Variants in PCDH15 observed in about 807,000 individuals in gnomAD.
PCDH15 encodes the protein protocadherin related 15.
PCDH15 carries 129 observed loss-of-function variants against 178.5 expected under a neutral mutation model. The observed-to-expected ratio is 0.72, with a 90% confidence interval of 0.63 to 0.84. PCDH15 has a LOEUF of 0.84. PCDH15 is among the 40% of genes least tolerant of loss of function. The probability of loss-of-function intolerance (pLI) is 0.00; values close to 1 mark genes in which losing one functional copy is unlikely to be tolerated. For synonymous variants in PCDH15, 800 were observed against 732.0 expected, an observed-to-expected ratio of 1.09 and a Z score of -1.50; for missense variants, 2,230 against 2,099.9, an observed-to-expected ratio of 1.06 and a Z score of -1.21.
intron 2 of PCDH15, among the ~76,000 whole-genome samples, chr10:55,522,991 G>A (rs998268687): frequency 6.6e-5 from 10 of 151,230 alleles, no homozygotes; most frequent in African/African-American, 2.4e-4. Context: ...ATTTTTATTT[G>A]TGATTATCAT....
chr10:55,543,324 C>T (rs1463051703), intron 2 of PCDH15, among the ~76,000 whole-genome samples: 3 of 149,366 alleles, frequency 2.0e-5, no homozygotes, highest in African/African-American at 4.9e-5. Flanking sequence ...ACAAATGTTC[C>T]CACTTTTTCT....
chr10:55,395,414 T>C (rs1350671470), intron 2 of PCDH15, among the ~76,000 whole-genome samples: 1 of 152,104 alleles, frequency 6.6e-6, no homozygotes, highest in African/African-American at 2.4e-5. Context: ...TTATAGATCA[T>C]TACATGTGAA....
intron 2 of PCDH15, among the ~76,000 whole-genome samples, chr10:55,038,136 C>A (rs966812968): frequency 2.6e-5 from 4 of 152,136 alleles, no homozygotes; most frequent in African/African-American, 9.6e-5. Context: ...TGTTTATACA[C>A]ACACAACACA....
chr10:53,937,466 A>C (rs1404967248), intron 25 of PCDH15, among the ~76,000 whole-genome samples: 1 of 152,226 alleles, frequency 6.6e-6, no homozygotes, highest in Non-Finnish European at 1.5e-5. Context: ...TATATTTTTA[A>C]AAACATAATT....
At chr10:54,567,855 G>C (rs1230214637) in intron 2 of PCDH15, among the ~76,000 whole-genome samples, 1 of 152,140 alleles carries the variant, frequency 6.6e-6, no homozygotes, top group Non-Finnish European at 1.5e-5. Flanking sequence ...TTACATCATA[G>C]AAGGCCTTCC....
At chr10:55,036,907 C>A (rs550151972) in intron 2 of PCDH15, among the ~76,000 whole-genome samples, 1 of 152,210 alleles carries the variant, frequency 6.6e-6, no homozygotes, top group Admixed American at 6.5e-5. Context: ...TGTTAGCATA[C>A]CTAGGAACTA....
At chr10:54,593,330 C>T (rs1032110855) in intron 2 of PCDH15, among the ~76,000 whole-genome samples, 2 of 151,946 alleles carry the variant, frequency 1.3e-5, no homozygotes, top group African/African-American at 4.8e-5. Flanking sequence ...GTCTTTAATC[C>T]ATTTTAAGTT....
chr10:55,151,863 G>C (rs1176112862), intron 2 of PCDH15, among the ~76,000 whole-genome samples: 1 of 152,066 alleles, frequency 6.6e-6, no homozygotes, highest in African/African-American at 2.4e-5. Context: ...CATGTAAATA[G>C]ATGAGAAGAA....
intron 3 of PCDH15, among the ~76,000 whole-genome samples, chr10:54,380,705 C>CATATATATATAT (rs58171476): frequency 8.0e-4 from 39 of 48,984 alleles, no homozygotes; most frequent in Non-Finnish European, 1.1e-3. Context: ...ATATATGCTC[C>CATATATATATAT]ATATATATAT....
chr10:55,201,510 G>A (rs967474131), intron 1 of PCDH15, among the ~76,000 whole-genome samples: 10 of 152,110 alleles, frequency 6.6e-5, no homozygotes, highest in African/African-American at 2.4e-4. Flanking sequence ...TTCCCCTAAT[G>A]ACTTGTACAC....
chr10:54,751,865 T>A (rs1946274734), intron 1 of PCDH15, among the ~76,000 whole-genome samples: 1 of 152,156 alleles, frequency 6.6e-6, no homozygotes, highest in African/African-American at 2.4e-5. Context: ...ACTTTTTGAC[T>A]AAAAGGCTTT....
intron 2 of PCDH15, among the ~76,000 whole-genome samples, chr10:54,939,331 A>G (rs1480769949): frequency 2.7e-5 from 4 of 147,770 alleles, no homozygotes; most frequent in South Asian, 2.1e-4. Flanking sequence ...CGTCTCTACT[A>G]AAAAAAACAA....
At chr10:55,471,210 T>C (rs1178076375) in intron 2 of PCDH15, among the ~76,000 whole-genome samples, 1 of 152,200 alleles carries the variant, frequency 6.6e-6, no homozygotes, top group African/African-American at 2.4e-5. Flanking sequence ...CCCTAAAGTT[T>C]CTTGACTAAA....
At chr10:54,370,182 T>C (rs1327121304) in intron 4 of PCDH15, among the ~76,000 whole-genome samples, 1 of 151,956 alleles carries the variant, frequency 6.6e-6, no homozygotes, top group African/African-American at 2.4e-5. Context: ...AATATTTGAC[T>C]CTAGAGTCAG....
chr10:54,877,248 G>A (rs1420417203), intron 3 of PCDH15, among the ~76,000 whole-genome samples: 1 of 152,016 alleles, frequency 6.6e-6, no homozygotes. Flanking sequence ...ATATGCACTG[G>A]GGAAAATTGT....
At chr10:55,469,987 C>T (rs1280017365) in intron 2 of PCDH15, among the ~76,000 whole-genome samples, 1 of 151,844 alleles carries the variant, frequency 6.6e-6, no homozygotes, top group Non-Finnish European at 1.5e-5. Flanking sequence ...ATTGTAATTG[C>T]TTTTTTACCT....
In PCDH15 at chr10:54,642,580, T is replaced by G. The variant is rs568870482; in HGVS notation, c.91+21592A>C. On this transcript the variant is annotated intron_variant, in intron 2 of 37. Transcript: ENST00000644397. ...ATGAACTGTCACCAAAAGCAATGAA[T>G]ATATCAGCATATTATATGTGCATTA... Among the ~76,000 whole-genome samples the G allele has an allele frequency of 7.4e-4, 112 of 152,300 alleles. 1 individual carries two copies. Among genetic ancestry groups the G allele is most frequent in the Non-Finnish European group, 1.5e-3 (99 of 68,014 alleles).
chr10:55,092,618 T>G (rs1205335543), intron 2 of PCDH15, among the ~76,000 whole-genome samples: 1 of 151,888 alleles, frequency 6.6e-6, no homozygotes, highest in African/African-American at 2.4e-5. Context: ...AATGGCTCAA[T>G]ATGGTCTTAA....
At chr10:54,479,005 G>GA (rs557476375) in intron 3 of PCDH15, among the ~76,000 whole-genome samples, 12,841 of 95,942 alleles carry the variant, frequency 0.13, 530 homozygotes, top group Middle Eastern at 0.18. Flanking sequence ...CTAGGGAAAA[G>GA]AAAAAAAAAA....
Sources: gnomAD v4.1 joint callset for allele counts (sites outside exome capture counted in the v4.1 genomes callset) on GRCh38, gnomAD v4.1.1 for gene constraint, MANE v1.5 for transcripts, NCBI Gene and HGNC (gene_info 2026-07-23, HGNC 2026-07-21) for gene names.